Variants in DACH2 observed in about 807,000 individuals in gnomAD.
The protein encoded by DACH2 is dachshund homolog 2.
Under a neutral mutation model 35.8 loss-of-function variants are expected in DACH2, and 17 were observed. The observed-to-expected ratio is 0.48, with a 90% CI of 0.33 to 0.71. The LOEUF is 0.71. Among genes scored for constraint, DACH2 ranks in the 30% least tolerant of loss-of-function variants. The pLI, the probability that DACH2 is intolerant of heterozygous loss-of-function variation, is 0.02. For missense variants in DACH2, 469 were observed against 472.7 expected, an observed-to-expected ratio of 0.99 and a Z score of 0.07; for synonymous variants, 195 against 177.3, an observed-to-expected ratio of 1.10 and a Z score of -0.79.
In DACH2 at chrX:86,611,221, G is replaced by A. The variant is rs189662061; in HGVS notation, c.641-39815G>A. Among the ~76,000 whole-genome samples the A allele has an allele frequency of 7.7e-3, 855 of 110,674 alleles. 5 individuals are homozygous for A. Among genetic ancestry groups the A allele is most frequent in the Non-Finnish European group, 0.013 (689 of 52,943 alleles). On this transcript the variant is annotated intron_variant, in intron 3 of 11. Coordinates refer to ENST00000373125, the MANE Select transcript of DACH2 (RefSeq NM_053281.3). ...TCTAGAAACGTTTTTTGGGAGGTAG[G>A]GCATGGAATGGTTGCCTCACAACCC...
chrX:86,225,202 G>C (rs981156468), intron 1 of DACH2, among the ~76,000 whole-genome samples: 1 of 111,720 alleles, frequency 9.0e-6, no homozygotes, highest in Non-Finnish European at 1.9e-5. Flanking sequence ...GCGTTGAGCA[G>C]TGAAGTGAAC....
chrX:86,203,201 T>C (rs1264847728), intron 1 of DACH2, among the ~76,000 whole-genome samples: 1 of 111,435 alleles, frequency 9.0e-6, no homozygotes, highest in African/African-American at 3.3e-5. Flanking sequence ...CAAAATTGGG[T>C]TGAAGTTTAT....
chrX:86,248,825 T>C (rs945521474), intron 1 of DACH2, among the ~76,000 whole-genome samples: 1 of 110,998 alleles, frequency 9.0e-6, no homozygotes, highest in African/African-American at 3.3e-5. Flanking sequence ...CAAAACAGCG[T>C]GGTACTTGTA....
intron 1 of DACH2, among the ~76,000 whole-genome samples, chrX:86,376,551 T>G (rs2035970597): frequency 9.0e-6 from 1 of 110,733 alleles, no homozygotes; most frequent in Admixed American, 9.7e-5. Context: ...CCACATGACA[T>G]TTCACATTAT....
At chrX:86,481,704 C>G (rs926306952) in intron 2 of DACH2, 4 of 111,904 alleles carry the variant, frequency 3.6e-5, no homozygotes, top group African/African-American at 1.3e-4. Context: ...TTACATTGTG[C>G]TCACAGTTGA....
chrX:86,565,936 TA>T, intron 3 of DACH2, among the ~76,000 whole-genome samples: 1 of 112,087 alleles, frequency 8.9e-6, no homozygotes, highest in Non-Finnish European at 1.9e-5. Flanking sequence ...ATGGTTTGTG[TA>T]AAAAACATTT....
chrX:86,563,793 C>T (rs2039258335), intron 3 of DACH2, among the ~76,000 whole-genome samples: 1 of 110,581 alleles, frequency 9.0e-6, no homozygotes, highest in South Asian at 3.8e-4. Flanking sequence ...TCCATTGGCC[C>T]ACCTCTGTAA....
At position 86,283,909 on chromosome X, in the gene DACH2, C is replaced by CAT. The variant is rs201376953; in HGVS notation, c.489-92904_489-92903dup. Reference sequence around the variant, plus strand: ...ACACACACACATACACACACACACACATATATATATATGAAATCCTGCTGA... The same window carrying CAT: ...ACACACACACATACACACACACACACATATATATATATATGAAATCCTGCTGA... On this transcript the variant is annotated intron_variant, in intron 1 of 11. Transcript: ENST00000373125. Among the ~76,000 whole-genome samples the CAT allele has an allele frequency of 5.4e-3, 585 of 109,025 alleles. 5 individuals carry two copies. The highest frequency in any genetic ancestry group is 0.018 in the Admixed American group (179 of 10,213). 94.7% of individuals were successfully genotyped at this position (109,025 alleles called of 115,157 possible). A position where few individuals can be genotyped will look rare whatever the true frequency, so the allele number is the denominator to read the frequency against.
At chrX:86,182,402 A>G (rs1031602564) in intron 1 of DACH2, among the ~76,000 whole-genome samples, 2 of 111,998 alleles carry the variant, frequency 1.8e-5, no homozygotes, top group African/African-American at 6.5e-5. Context: ...TTTTCTGCAT[A>G]TGGCTAGCCA....
intron 2 of DACH2, among the ~76,000 whole-genome samples, chrX:86,404,826 G>C (rs1359923029): frequency 8.9e-6 from 1 of 112,237 alleles, no homozygotes; most frequent in East Asian, 2.8e-4. Context: ...TCCCTGCGTA[G>C]ACTTCTGCCT....
chrX:86,655,906 G>GA (rs962508734), intron 4 of DACH2, among the ~76,000 whole-genome samples: 4 of 110,680 alleles, frequency 3.6e-5, no homozygotes, highest in South Asian at 7.5e-4. Flanking sequence ...TTGGACATCA[G>GA]AAAAAAAGTG....
At chrX:86,165,623 G>A (rs1487472784) in intron 1 of DACH2, among the ~76,000 whole-genome samples, 1 of 110,974 alleles carries the variant, frequency 9.0e-6, no homozygotes, top group African/African-American at 3.3e-5. Flanking sequence ...CCATTGGTAT[G>A]TCTTCCTTTG....
chrX:86,776,876 T>A (rs1295933304), intron 7 of DACH2, among the ~76,000 whole-genome samples: 1 of 111,597 alleles, frequency 9.0e-6, no homozygotes, highest in Non-Finnish European at 1.9e-5. Context: ...CTGAGAATGA[T>A]GGTTTCCAGC....
intron 1 of DACH2, among the ~76,000 whole-genome samples, chrX:86,174,802 T>C (rs1436531885): frequency 9.0e-6 from 1 of 110,903 alleles, no homozygotes; most frequent in Non-Finnish European, 1.9e-5. Context: ...CTCAGCCCCC[T>C]GAGCAGCTAG....
chrX:86,174,328 T>G lies in DACH2; in HGVS notation c.488+25220T>G, dbSNP rs373499750. ...TTTTTTAGAGACCTGAGTCTCACTA[T>G]GTTGCCCAGGCTGTTCTTGAACTTC... On this transcript the variant is annotated intron_variant, in intron 1 of 11. Coordinates refer to ENST00000373125, the MANE Select transcript of DACH2 (RefSeq NM_053281.3). 5.4e-5 allele frequency among the ~76,000 whole-genome samples: 6 copies of G among 110,221 alleles called. No homozygotes were observed. The South Asian group carries it at 2.3e-3, about 43-fold the overall frequency.
intron 1 of DACH2, among the ~76,000 whole-genome samples, chrX:86,214,750 C>T (rs2032529913): frequency 9.0e-6 from 1 of 111,358 alleles, no homozygotes; most frequent in Non-Finnish European, 1.9e-5. Flanking sequence ...TAGCTGTAAA[C>T]ATTTGGGTTC....
chrX:86,393,972 A>C (rs2036241182), intron 2 of DACH2, among the ~76,000 whole-genome samples: 1 of 107,109 alleles, frequency 9.3e-6, no homozygotes, highest in Non-Finnish European at 1.9e-5. Context: ...TATTATTTTC[A>C]TCATTATAAA....
chrX:86,822,391 G>T (rs762297262), intron 11 of DACH2, among the ~76,000 whole-genome samples: 2 of 112,078 alleles, frequency 1.8e-5, no homozygotes, highest in Non-Finnish European at 3.8e-5. Context: ...GTATAGCATG[G>T]TGTACTTTGT....
intron 1 of DACH2, among the ~76,000 whole-genome samples, chrX:86,251,661 C>A (rs1159312222): frequency 9.0e-6 from 1 of 111,698 alleles, no homozygotes; most frequent in Non-Finnish European, 1.9e-5. Flanking sequence ...GCTGCAAATG[C>A]CATTAATTTG....
Sources: allele counts gnomAD v4.1 joint callset (sites outside exome capture counted in the v4.1 genomes callset), GRCh38; gene constraint gnomAD v4.1.1; transcripts MANE v1.5; gene names NCBI Gene and HGNC (gene_info 2026-07-23, HGNC 2026-07-21).